The following KLHDC1 variants were observed in gnomAD, a reference collection of about 807,000 sequenced individuals.
The protein encoded by KLHDC1 is kelch domain-containing protein 1.
Under a neutral mutation model 68.3 loss-of-function variants are expected in KLHDC1, and 53 were observed. The observed-to-expected ratio is 0.78, with a 90% CI of 0.62 to 0.98. The LOEUF (loss-of-function observed/expected upper bound fraction) is 0.98. Among genes scored for constraint, KLHDC1 ranks in the 50% least tolerant of loss-of-function variants. KLHDC1 has a pLI of 0.00. For missense variants in KLHDC1, 470 were observed against 492.3 expected, an observed-to-expected ratio of 0.95 and a Z score of 0.43; for synonymous variants, 148 against 159.0, an observed-to-expected ratio of 0.93 and a Z score of 0.52.
intron 6 of KLHDC1, 43 bp from the exon 7 acceptor site, chr14:49,728,883 G>T: frequency 7.5e-7 from 1 of 1,326,382 alleles, no homozygotes; most frequent in Non-Finnish European, 1.1e-6. Flanking sequence ...CTTTATTACA[G>T]ATATTTCAAG....
chr14:49,693,353 A>G (rs974430425), intron 1 of KLHDC1, 63 bp downstream of exon 1: 2 of 1,177,456 alleles, frequency 1.7e-6, no homozygotes. Flanking sequence ...GAGCGGACGC[A>G]GCGCCCGCCA....
At chr14:49,737,763 G>A (rs922882688) in intron 10 of KLHDC1, among the ~76,000 whole-genome samples, 3 of 150,702 alleles carry the variant, frequency 2.0e-5, no homozygotes, top group African/African-American at 7.3e-5. Flanking sequence ...TACTCAGGAG[G>A]CTGAGGTGGG....
intron 1 of KLHDC1, among the ~76,000 whole-genome samples, chr14:49,700,550 C>T (rs1371043250): frequency 6.6e-6 from 1 of 152,168 alleles, no homozygotes; most frequent in African/African-American, 2.4e-5. Flanking sequence ...TGCCATCGCA[C>T]TCCAGCCTGG....
At chr14:49,717,930 C>G (rs1261409187) in intron 4 of KLHDC1, among the ~76,000 whole-genome samples, 2 of 152,100 alleles carry the variant, frequency 1.3e-5, no homozygotes, top group Non-Finnish European at 2.9e-5. Context: ...GTTACCCAGG[C>G]TGGAGTGCAG....
Position 49,723,921 on chromosome 14 carries a change from A to C in KLHDC1, c.452A>C (p.Gln151Pro), listed in dbSNP as rs778843990. ...GYGCRRHSELQDCFDVHDASW... is the reference protein window; with the variant it reads ...GYGCRRHSELPDCFDVHDASW... ...GGGTGTAGGAGACACAGTGAACTCC[A>C]AGACTGTTTTGATGTTCATGATGCA... The change falls in exon 5 of 13, where the codon CAA becomes CCA. Residue 151 changes from glutamine to proline, a missense_variant. Transcript: ENST00000359332. 5.6e-6 allele frequency: 9 copies of C among 1,606,610 alleles called. No homozygotes were observed. Among genetic ancestry groups the C allele is most frequent in the Non-Finnish European group, 7.7e-6 (9 of 1,174,762 alleles).
At chr14:49,738,523 T>A (rs979998235) in intron 10 of KLHDC1, among the ~76,000 whole-genome samples, 17 of 152,096 alleles carry the variant, frequency 1.1e-4, no homozygotes, top group African/African-American at 4.1e-4. Context: ...ATTTTTTTTT[T>A]ATTTTTAGTA....
chr14:49,727,825 G>A lies in KLHDC1; in HGVS notation c.568-1101G>A, dbSNP rs77138314. Among the ~76,000 whole-genome samples the A allele has an allele frequency of 6.8e-4, 104 of 152,316 alleles. 2 individuals are homozygous for A. In the East Asian group the frequency reaches 0.018, roughly 26 times the overall value. ...CAAATAAGCCTGAAAAGTTTAGGAA[G>A]TTATGATATTGGATGCAGAGCTTTA... On this transcript the variant is annotated intron_variant, in intron 6 of 12. Coordinates refer to ENST00000359332, the MANE Select transcript of KLHDC1 (RefSeq NM_172193.3).
intron 4 of KLHDC1, among the ~76,000 whole-genome samples, chr14:49,721,810 A>C (rs1888531947): frequency 6.6e-6 from 1 of 152,038 alleles, no homozygotes. Context: ...GCCACGAGGG[A>C]GTTCTCTTTG....
At chr14:49,741,248 T>C (rs1029455784) in intron 11 of KLHDC1, among the ~76,000 whole-genome samples, 1 of 152,162 alleles carries the variant, frequency 6.6e-6, no homozygotes, top group Non-Finnish European at 1.5e-5. Context: ...TCCTTCTGAA[T>C]CTTACCTACT....
At chr14:49,698,081 T>C (rs559133302) in intron 1 of KLHDC1, among the ~76,000 whole-genome samples, 1 of 152,336 alleles carries the variant, frequency 6.6e-6, no homozygotes, top group South Asian at 2.1e-4. Context: ...ATTTTGATTG[T>C]TTTGAGTTCT....
In KLHDC1 at chr14:49,706,822, T is replaced by C. The variant is rs1409084495; in HGVS notation, c.97-2337T>C. Among the ~76,000 whole-genome samples the C allele has an allele frequency of 2.0e-5, 3 of 152,332 alleles. No homozygotes were observed. The East Asian group carries it at 5.8e-4, about 29-fold the overall frequency. On this transcript the variant is annotated intron_variant, in intron 1 of 12. Transcript: ENST00000359332. ...TACAAGTATTTTGCCCATTTTTAAA[T>C]TAGATTGTTAGATTTTTTTCCTGTA...
chr14:49,713,673 G>A (rs1888267626), intron 4 of KLHDC1, among the ~76,000 whole-genome samples: 1 of 150,654 alleles, frequency 6.6e-6, no homozygotes, highest in Admixed American at 6.7e-5. Context: ...ATCGCTTGGG[G>A]CCAGAAGTTT....
At chr14:49,722,063 C>T (rs150142486) in intron 4 of KLHDC1, among the ~76,000 whole-genome samples, 1 of 152,306 alleles carries the variant, frequency 6.6e-6, no homozygotes, top group African/African-American at 2.4e-5. Context: ...CCTGATCCCT[C>T]CCTGAAGATT....
rs138211916 is a variant in KLHDC1, at chr14:49,726,445, T to C, written c.567+676T>C. On this transcript the variant is annotated intron_variant, in intron 6 of 12. Transcript: ENST00000359332. ...ACAAAAAAATGCATATTCTTCTCCA[T>C]GTCAGCTAAGGTTTTCTAGAAAAAA... Among the ~76,000 whole-genome samples, 478 of 152,262 alleles carry C rather than the reference T, an allele frequency of 3.1e-3. 4 individuals carry two copies. The highest frequency in any genetic ancestry group is 0.011 in the African/African-American group (462 of 41,564).
rs151334470 is a variant in KLHDC1 at position 49,693,277 on chromosome 14, G to C, written c.83G>C (p.Trp28Ser). The C allele has an allele frequency of 1.7e-5, 26 of 1,549,770 alleles. No homozygotes were observed. Among genetic ancestry groups the C allele is most frequent in the South Asian group, 5.9e-5 (5 of 84,632 alleles). The change falls in exon 1 of 13, where the codon TGG (tryptophan) becomes TCG (serine). Residue 28 changes from tryptophan to serine, a missense_variant. Trp to Ser is a radical substitution (Grantham distance 177). Transcript: ENST00000359332. ...AVVDGNFLYV[W>S]GGYVSIEDNE... The stretch of plus-strand genomic sequence containing the variant: ...GTGGACGGAAACTTCCTCTACGTGT[G>C]GGGGGGCTACGTGGTAAGGGGAAGA...
intron 12 of KLHDC1, among the ~76,000 whole-genome samples, chr14:49,750,726 G>C (rs991435554): frequency 6.6e-6 from 1 of 152,096 alleles, no homozygotes; most frequent in African/African-American, 2.4e-5. Context: ...TGGTTTTAAA[G>C]TACAAAATGC....
At chr14:49,713,202 C>T (rs1471481940) in intron 4 of KLHDC1, among the ~76,000 whole-genome samples, 1 of 151,832 alleles carries the variant, frequency 6.6e-6, no homozygotes, top group African/African-American at 2.4e-5. Context: ...GATCCGCCCG[C>T]CTCAGCCTCC....
At chr14:49,734,929 G>C (rs1249788692) in intron 10 of KLHDC1, among the ~76,000 whole-genome samples, 1 of 152,004 alleles carries the variant, frequency 6.6e-6, no homozygotes, top group Non-Finnish European at 1.5e-5. Flanking sequence ...TAACTGTGAA[G>C]ATTAAGATAA....
At position 49,739,187 on chromosome 14, in the gene KLHDC1, C is replaced by G. The variant is rs185084957; in HGVS notation, c.897-911C>G. ...GGCCCAGTAAGAATGGCTTATTACT[C>G]TAAGCATAAGAAACAGAGTGAACAA... On this transcript the variant is annotated intron_variant, in intron 10 of 12. Coordinates refer to ENST00000359332, the MANE Select transcript of KLHDC1 (RefSeq NM_172193.3). Among the ~76,000 whole-genome samples, 11 of 152,242 alleles carry G rather than the reference C, an allele frequency of 7.2e-5. No homozygotes were observed. The East Asian group carries it at 2.1e-3, about 29-fold the overall frequency.
Sources: allele counts gnomAD v4.1 joint callset (sites outside exome capture counted in the v4.1 genomes callset), GRCh38; gene constraint gnomAD v4.1.1; transcripts MANE v1.5; gene names NCBI Gene and HGNC (gene_info 2026-07-23, HGNC 2026-07-21).